The following MTHFD1L variants were observed in gnomAD, a reference collection of about 807,000 sequenced individuals.
MTHFD1L encodes the protein methylenetetrahydrofolate dehydrogenase (NADP+ dependent) 1 like.
In MTHFD1L, 81 loss-of-function variants were observed where a neutral mutation model predicts 119.5. The ratio of observed to expected loss-of-function variants is 0.68; its 90% confidence interval spans 0.57 to 0.82. The LOEUF is 0.82. Ranked by LOEUF, MTHFD1L falls within the 40% of genes least tolerant of loss-of-function variation. The pLI is 0.00. For missense variants in MTHFD1L, 1,125 were observed against 1,253.4 expected (o/e 0.90, Z 1.55); for synonymous variants, 430 against 475.2 (o/e 0.90, Z 1.24).
chr6:151,050,722 T>C (rs1163109082), intron 26 of MTHFD1L, among the ~76,000 whole-genome samples: 2 of 152,108 alleles, frequency 1.3e-5, no homozygotes, highest in African/African-American at 4.8e-5. Flanking sequence ...TGCTGCTTGG[T>C]GTATGGGGAA....
At chr6:150,966,819 T>TA (rs1340034756) in intron 19 of MTHFD1L, among the ~76,000 whole-genome samples, 1 of 152,096 alleles carries the variant, frequency 6.6e-6, no homozygotes, top group Non-Finnish European at 1.5e-5. Flanking sequence ...GTGAGCCTCT[T>TA]ATCTTTTAAA....
chr6:151,049,230 G>A (rs145572660), intron 26 of MTHFD1L, among the ~76,000 whole-genome samples: 53 of 152,322 alleles, frequency 3.5e-4, no homozygotes, highest in African/African-American at 1.2e-3. Flanking sequence ...AGTGGCTGAC[G>A]CCAGTAATCC....
chr6:151,024,840 T>G lies in MTHFD1L; in HGVS notation c.2586+9147T>G, dbSNP rs578031789. On this transcript the variant is annotated intron_variant, in intron 24 of 27. Transcript: ENST00000367321. ...TTTTTTTGTGTGTGTTTGTTTTGGG[T>G]TTTTTTTGAGCCTGGGCAACAGAAC... Among the ~76,000 whole-genome samples, 15 of 151,718 alleles carry G rather than the reference T, an allele frequency of 9.9e-5. No individual in the cohort carries two copies. In the South Asian group the frequency reaches 2.1e-3, roughly 21 times the overall value.
chr6:151,100,103 G>C (rs990669616), intron 27 of MTHFD1L, among the ~76,000 whole-genome samples: 1 of 147,180 alleles, frequency 6.8e-6, no homozygotes, highest in East Asian at 2.0e-4. Context: ...GCACGATCTC[G>C]GCTCACTGCA....
At chr6:150,996,448 T>C (rs1050027936) in intron 20 of MTHFD1L, among the ~76,000 whole-genome samples, 5 of 152,100 alleles carry the variant, frequency 3.3e-5, no homozygotes, top group Non-Finnish European at 4.4e-5. Context: ...GTATTACAGG[T>C]GTGAGCCACC....
chr6:150,981,227 A>G (rs1777443350), intron 20 of MTHFD1L, among the ~76,000 whole-genome samples: 1 of 152,216 alleles, frequency 6.6e-6, no homozygotes, highest in Middle Eastern at 3.4e-3. Context: ...TTCCACGTTG[A>G]TTTTCACACG....
intron 26 of MTHFD1L, among the ~76,000 whole-genome samples, chr6:151,080,892 C>A (rs1352917950): frequency 6.6e-6 from 1 of 152,148 alleles, no homozygotes; most frequent in Non-Finnish European, 1.5e-5. Context: ...ATGCTTATGA[C>A]CTTTTTGGGT....
At chr6:150,916,633 G>A (rs1252693283) in intron 8 of MTHFD1L, among the ~76,000 whole-genome samples, 1 of 142,776 alleles carries the variant, frequency 7.0e-6, no homozygotes, top group African/African-American at 2.6e-5. Context: ...CCTGCCAGAA[G>A]TAGAATTCTT....
intron 10 of MTHFD1L, among the ~76,000 whole-genome samples, chr6:150,924,427 C>T (rs1789563114): frequency 6.6e-6 from 1 of 152,050 alleles, no homozygotes; most frequent in African/African-American, 2.4e-5. Flanking sequence ...CCCTCCTGTG[C>T]TCCCAAAGTG....
intron 27 of MTHFD1L, among the ~76,000 whole-genome samples, chr6:151,096,143 A>T (rs985745383): frequency 6.6e-6 from 1 of 152,240 alleles, no homozygotes; most frequent in African/African-American, 2.4e-5. Flanking sequence ...ATTTGAACAG[A>T]CAGGTACTTG....
intron 24 of MTHFD1L, 38 bp downstream of exon 24, chr6:151,015,731 A>G: frequency 6.3e-7 from 1 of 1,598,100 alleles, no homozygotes. Flanking sequence ...CATTTCTTAC[A>G]CCTTAGCATG....
rs559660962 is a variant in MTHFD1L at position 151,031,424 on chromosome 6, C to A, written c.2587-3069C>A. ...CAGTCAGGCCCCAGTGAATCCCTGTCCTCTGAAGCTGCAGGTAGGAGCGCC... is the reference window on the plus strand; with the variant it reads ...CAGTCAGGCCCCAGTGAATCCCTGTACTCTGAAGCTGCAGGTAGGAGCGCC... On this transcript the variant is annotated intron_variant, in intron 24 of 27. Transcript: ENST00000367321. Among the ~76,000 whole-genome samples the A allele has an allele frequency of 9.2e-5, 14 of 152,312 alleles. No individual in the cohort carries two copies. In the East Asian group the frequency reaches 2.7e-3, roughly 29 times the overall value.
chr6:150,907,122 A>G (rs144706725), intron 8 of MTHFD1L, among the ~76,000 whole-genome samples: 63 of 151,912 alleles, frequency 4.1e-4, no homozygotes, highest in Admixed American at 1.6e-3. Context: ...TTGTAAATGA[A>G]TGCTGCTTTG....
chr6:150,893,892 C>T (rs768457159), intron 7 of MTHFD1L, among the ~76,000 whole-genome samples: 5 of 152,136 alleles, frequency 3.3e-5, no homozygotes, highest in Admixed American at 1.3e-4. Context: ...TGTTCCCTCG[C>T]GTAGAAAGGC....
chr6:151,038,797 C>T (rs1258209314), intron 26 of MTHFD1L, among the ~76,000 whole-genome samples: 3 of 152,100 alleles, frequency 2.0e-5, no homozygotes, highest in Non-Finnish European at 4.4e-5. Flanking sequence ...AAGTATCCTC[C>T]TACCGTGGGG....
In MTHFD1L at chr6:151,017,972, A is replaced by C. The variant is rs112772802; in HGVS notation, c.2586+2279A>C. On this transcript the variant is annotated intron_variant, in intron 24 of 27. Coordinates refer to ENST00000367321, the MANE Select transcript of MTHFD1L (RefSeq NM_015440.5). ...AATTCTTTTGGAAATGTATTCCCAG[A>C]AGTGGGATTGCTGGGTCCTCTAGGA... is the stretch of plus-strand genomic sequence containing the variant. Among the ~76,000 whole-genome samples, 786 of 151,456 alleles carry C rather than the reference A, an allele frequency of 5.2e-3. 4 individuals carry two copies. Among genetic ancestry groups the C allele is most frequent in the African/African-American group, 0.018 (737 of 41,178 alleles).
rs1789082164 is a variant in MTHFD1L at position 150,922,243 on chromosome 6, G to A, written c.1023G>A (p.Gln341=). 3 of 1,613,964 alleles carry A rather than the reference G, an allele frequency of 1.9e-6. No individual in the cohort carries two copies. The highest frequency in any genetic ancestry group is 3.3e-5 in the Admixed American group (2 of 60,006). The change falls in exon 10 of 28, where the codon CAG becomes CAA. Residue 341 remains glutamine, a synonymous_variant. Coordinates refer to ENST00000367321, the MANE Select transcript of MTHFD1L (RefSeq NM_015440.5). ...VSSGRRWLRE[Q]QHRRWRLHCL... ...GTGGAAGGAGATGGCTTCGTGAACA[G>A]CAGCACAGGCGGTGGAGACTTCACT... is the stretch of plus-strand genomic sequence containing the variant.
intron 4 of MTHFD1L, 39 bp downstream of exon 4, chr6:150,877,865 C>T (rs754014504): frequency 6.8e-6 from 11 of 1,611,512 alleles, no homozygotes; most frequent in South Asian, 1.1e-5. Context: ...CTTCTTCTTT[C>T]CTCTTGAGAC....
rs1790089460 is a variant in MTHFD1L, at chr6:150,926,908, A to G, written c.1256+613A>G. Among the ~76,000 whole-genome samples, 1 of 152,176 alleles carries G rather than the reference A, an allele frequency of 6.6e-6. No individual in the cohort carries two copies. Among genetic ancestry groups the G allele is most frequent in the African/African-American group, 2.4e-5 (1 of 41,432 alleles). On this transcript the variant is annotated intron_variant, in intron 11 of 27. Coordinates refer to ENST00000367321, the MANE Select transcript of MTHFD1L (RefSeq NM_015440.5). This position sits in a 1 kb window ranked among gnomAD's most constrained non-coding sequence, Gnocchi z 4.3. ...AAAAAGAAGTACATTCACTAGCTGA[A>G]AAGATGATAGAAAGCAAGGGATTTC...
Sources: allele counts gnomAD v4.1 joint callset (sites outside exome capture counted in the v4.1 genomes callset), GRCh38; gene constraint gnomAD v4.1.1; non-coding constraint Gnocchi (gnomAD v3.1); transcripts MANE v1.5; gene names NCBI Gene and HGNC (gene_info 2026-07-23, HGNC 2026-07-21).